The following PAQR8 variants were observed in gnomAD, a reference collection of about 807,000 sequenced individuals.
PAQR8 encodes the protein membrane progestin receptor beta.
PAQR8 carries 17 observed loss-of-function variants against 25.2 expected under a neutral mutation model. That is an observed-to-expected ratio of 0.67 (90% CI 0.46 to 1.01). The LOEUF (loss-of-function observed/expected upper bound fraction) is 1.01, where lower values mean the gene tolerates loss of function less well. Among genes scored for constraint, PAQR8 ranks in the 50% least tolerant of loss-of-function variants. PAQR8 has a pLI of 0.00. For missense variants in PAQR8, 392 were observed against 448.4 expected, an observed-to-expected ratio of 0.87 and a Z score of 1.14; for synonymous variants, 204 against 190.6, an observed-to-expected ratio of 1.07 and a Z score of -0.58.
intron 1 of PAQR8, among the ~76,000 whole-genome samples, chr6:52,363,874 C>CTTTATT (rs1554254728): frequency 6.6e-6 from 1 of 150,722 alleles, no homozygotes; most frequent in Non-Finnish European, 1.5e-5. Flanking sequence ...CAAGGCATGG[C>CTTTATT]TTTGTTTTTG....
chr6:52,363,441 C>T (rs1433011225), intron 1 of PAQR8, among the ~76,000 whole-genome samples: 2 of 152,150 alleles, frequency 1.3e-5, no homozygotes, highest in Non-Finnish European at 2.9e-5. Context: ...GTAATACCTA[C>T]CCGTGTGTGT....
At chr6:52,368,553 T>A (rs1581787876) in intron 1 of PAQR8, among the ~76,000 whole-genome samples, 1 of 152,186 alleles carries the variant, frequency 6.6e-6, no homozygotes, top group East Asian at 1.9e-4. Context: ...TTTTGTTTAG[T>A]CTTGGGTATA....
Position 52,368,909 on chromosome 6 carries a change from T to A in PAQR8, c.-53+6660T>A, listed in dbSNP as rs1313410775. On this transcript the variant is annotated intron_variant, in intron 1 of 1. Transcript: ENST00000442253. ...ATGGGGGCAGTTTTCCCCATGCTGTTCTCATGATAGTGAGTGAGTTCTCTC... is the reference window on the plus strand; with the variant it reads ...ATGGGGGCAGTTTTCCCCATGCTGTACTCATGATAGTGAGTGAGTTCTCTC... Among the ~76,000 whole-genome samples the A allele has an allele frequency of 2.6e-5, 4 of 152,268 alleles. No homozygotes were observed. The East Asian group carries it at 5.8e-4, about 22-fold the overall frequency.
intron 1 of PAQR8, among the ~76,000 whole-genome samples, chr6:52,395,998 G>T (rs556429031): frequency 5.0e-4 from 76 of 152,146 alleles, no homozygotes; most frequent in Non-Finnish European, 8.5e-4. Context: ...AAAGAAATTG[G>T]TGCCATGAGC....
chr6:52,388,069 T>G (rs1235851933), intron 1 of PAQR8, among the ~76,000 whole-genome samples: 1 of 152,212 alleles, frequency 6.6e-6, no homozygotes, highest in Non-Finnish European at 1.5e-5. Flanking sequence ...TCCTTATATA[T>G]TATAATGTAA....
chr6:52,364,083 G>GTTTTTTTTTT (rs67846872), intron 1 of PAQR8, among the ~76,000 whole-genome samples: 3,656 of 84,070 alleles, frequency 0.043, 637 homozygotes, highest in East Asian at 0.13. Context: ...TGAAAGATAT[G>GTTTTTTTTTT]TTTTTTTTTT....
At chr6:52,401,474 T>A (rs1763828970) in intron 1 of PAQR8, among the ~76,000 whole-genome samples, 1 of 152,254 alleles carries the variant, frequency 6.6e-6, no homozygotes, top group Non-Finnish European at 1.5e-5. Context: ...ATAATTGCTG[T>A]ATTCGTCTGT....
chr6:52,370,245 C>T (rs1317812885), intron 1 of PAQR8, among the ~76,000 whole-genome samples: 1 of 152,014 alleles, frequency 6.6e-6, no homozygotes, highest in East Asian at 1.9e-4. Flanking sequence ...AAGAATCAGT[C>T]TAACTCGGAC....
intron 1 of PAQR8, among the ~76,000 whole-genome samples, chr6:52,398,053 C>G (rs146238468): frequency 1.3e-5 from 2 of 152,196 alleles, no homozygotes; most frequent in East Asian, 3.9e-4. Flanking sequence ...AATTATAACT[C>G]ATGGTACCAT....
intron 1 of PAQR8, among the ~76,000 whole-genome samples, chr6:52,376,833 C>T (rs568815537): frequency 6.6e-6 from 1 of 152,150 alleles, no homozygotes; most frequent in East Asian, 1.9e-4. Flanking sequence ...TAATTGAATT[C>T]TCTGGAGGGA....
chr6:52,406,526 A>T lies in PAQR8; in HGVS notation c.*2248A>T. 1 of 413,484 alleles carries T rather than the reference A, an allele frequency of 2.4e-6. No individual in the cohort carries two copies. The highest frequency in any genetic ancestry group is 1.3e-4 in the South Asian group (1 of 7,860). The allele number at this position is 413,484 out of a possible 1,614,324, so 25.6% of individuals were successfully genotyped here. A position where few individuals can be genotyped will look rare whatever the true frequency, so the allele number is the denominator to read the frequency against. ...AGATATTGCCATACAATTTTAATTT[A>T]TACAAGTATTGGCCCCTCAAGTGGT... is the stretch of plus-strand genomic sequence containing the variant. On this transcript the variant is annotated 3_prime_UTR_variant, in exon 2 of 2. Coordinates refer to ENST00000442253, the MANE Select transcript of PAQR8 (RefSeq NM_133367.5).
intron 1 of PAQR8, among the ~76,000 whole-genome samples, chr6:52,400,962 G>T (rs1256782319): frequency 6.6e-6 from 1 of 152,124 alleles, no homozygotes; most frequent in South Asian, 2.1e-4. Context: ...CCTTGGGCTG[G>T]GCAGAGTGCT....
intron 1 of PAQR8, among the ~76,000 whole-genome samples, chr6:52,401,850 A>G (rs1354798661): frequency 6.6e-6 from 1 of 152,162 alleles, no homozygotes; most frequent in Non-Finnish European, 1.5e-5. Context: ...CTATATCAAT[A>G]TTTGTAATTC....
intron 1 of PAQR8, among the ~76,000 whole-genome samples, chr6:52,379,016 G>A (rs1215458551): frequency 6.7e-6 from 1 of 148,158 alleles, no homozygotes; most frequent in Non-Finnish European, 1.5e-5. Context: ...AGAATTGCTT[G>A]CACGTGGGAG....
In PAQR8 at chr6:52,362,902, C is replaced by T. The variant is rs1463471364; in HGVS notation, c.-53+653C>T. 6.6e-6 allele frequency among the ~76,000 whole-genome samples: 1 copy of T among 151,960 alleles called. No homozygotes were observed. Among genetic ancestry groups the T allele is most frequent in the Admixed American group, 6.6e-5 (1 of 15,256 alleles). On this transcript the variant is annotated intron_variant, in intron 1 of 1. Coordinates refer to ENST00000442253, the MANE Select transcript of PAQR8 (RefSeq NM_133367.5). This position sits in a 1 kb window ranked among gnomAD's most constrained non-coding sequence, Gnocchi z 4.1. Reference sequence around the variant, plus strand: ...TCTCTGAGAGGGTGGGCGCGAGGAGCGGAGTTGTGATGGGAACCGCCGGCA... The same window carrying T: ...TCTCTGAGAGGGTGGGCGCGAGGAGTGGAGTTGTGATGGGAACCGCCGGCA...
At chr6:52,381,253 A>T (rs1354164708) in intron 1 of PAQR8, among the ~76,000 whole-genome samples, 1 of 152,230 alleles carries the variant, frequency 6.6e-6, no homozygotes, top group Admixed American at 6.5e-5. Flanking sequence ...GGGGAAGAGG[A>T]AACGGATTCT....
intron 1 of PAQR8, among the ~76,000 whole-genome samples, chr6:52,368,558 G>A (rs1763381629): frequency 6.6e-6 from 1 of 152,040 alleles, no homozygotes; most frequent in South Asian, 2.1e-4. Flanking sequence ...TTTAGTCTTG[G>A]GTATATGTTG....
intron 1 of PAQR8, among the ~76,000 whole-genome samples, chr6:52,400,170 A>G (rs1763813891): frequency 6.6e-6 from 1 of 152,138 alleles, no homozygotes; most frequent in African/African-American, 2.4e-5. Context: ...TTCATAGCCC[A>G]TTCCTGGTAG....
chr6:52,385,972 C>G (rs1462892969), intron 1 of PAQR8, among the ~76,000 whole-genome samples: 1 of 152,130 alleles, frequency 6.6e-6, no homozygotes, highest in Non-Finnish European at 1.5e-5. Flanking sequence ...GGTCTAATAT[C>G]CAGCATCTAT....
Sources: allele counts gnomAD v4.1 joint callset (sites outside exome capture counted in the v4.1 genomes callset), GRCh38; gene constraint gnomAD v4.1.1; non-coding constraint Gnocchi (gnomAD v3.1); transcripts MANE v1.5; gene names NCBI Gene and HGNC (gene_info 2026-07-23, HGNC 2026-07-21).